Variants in GPR39 observed in about 807,000 individuals in gnomAD.
GPR39 encodes G protein-coupled receptor 39.
A neutral mutation model predicts 18.4 loss-of-function variants in GPR39; 23 were observed. The observed-to-expected ratio is 1.25, with a 90% CI of 0.90 to 1.77. The LOEUF (loss-of-function observed/expected upper bound fraction) is 1.77, where lower values mean the gene tolerates loss of function less well. Among genes scored for constraint, GPR39 ranks in the 40% most tolerant of loss-of-function variants. The pLI is 0.00. For synonymous variants in GPR39, 280 were observed against 257.9 expected (o/e 1.09, Z -0.82); for missense variants, 647 against 602.4 (o/e 1.07, Z -0.78).
At chr2:132,419,278 A>G (rs918586341) in intron 1 of GPR39, among the ~76,000 whole-genome samples, 1 of 152,258 alleles carries the variant, frequency 6.6e-6, no homozygotes, top group Non-Finnish European at 1.5e-5. Flanking sequence ...GGGCTGTGCC[A>G]GGTGACTGAT....
At chr2:132,636,095 A>G (rs1681750386) in intron 1 of GPR39, among the ~76,000 whole-genome samples, 2 of 152,216 alleles carry the variant, frequency 1.3e-5, no homozygotes. Context: ...ACAAGGGTAG[A>G]CAGAAACTAC....
At chr2:132,539,311 C>G (rs554511724) in intron 1 of GPR39, among the ~76,000 whole-genome samples, 26 of 152,144 alleles carry the variant, frequency 1.7e-4, no homozygotes, top group Non-Finnish European at 3.1e-4. Flanking sequence ...TCACCGGGCT[C>G]CTTGCACTTC....
intron 1 of GPR39, among the ~76,000 whole-genome samples, chr2:132,610,603 C>T (rs1403697995): frequency 6.6e-6 from 1 of 151,716 alleles, no homozygotes. Context: ...GCGGTGAAAC[C>T]CTGTTTCTAC....
chr2:132,623,191 A>G (rs1026163242), intron 1 of GPR39, among the ~76,000 whole-genome samples: 4 of 152,192 alleles, frequency 2.6e-5, no homozygotes, highest in African/African-American at 9.7e-5. Context: ...AAAGGAAAAA[A>G]AAAGTCAGAG....
chr2:132,459,147 G>A (rs1363373025), intron 1 of GPR39, among the ~76,000 whole-genome samples: 2 of 151,980 alleles, frequency 1.3e-5, no homozygotes, highest in Non-Finnish European at 2.9e-5. Context: ...TGCTATTTTT[G>A]GTGTCCTCTC....
chr2:132,508,485 G>A (rs185223184), intron 1 of GPR39, among the ~76,000 whole-genome samples: 29 of 152,174 alleles, frequency 1.9e-4, no homozygotes, highest in Admixed American at 1.7e-3. Flanking sequence ...GAGACTAAAT[G>A]CTCAGGGTCC....
intron 1 of GPR39, among the ~76,000 whole-genome samples, chr2:132,543,507 A>G (rs544042495): frequency 2.6e-5 from 4 of 152,298 alleles, no homozygotes; most frequent in Admixed American, 2.6e-4. Flanking sequence ...ACTCCTTTCA[A>G]TAACATACTA....
At position 132,567,872 on chromosome 2, in the gene GPR39, AGG is replaced by A. The variant is rs1374551388; in HGVS notation, c.857-77226_857-77225del. 3.3e-3 allele frequency among the ~76,000 whole-genome samples: 498 copies of A among 148,882 alleles called. 2 individuals carry two copies. Among genetic ancestry groups the A allele is most frequent in the African/African-American group, 0.012 (467 of 38,880 alleles). ...TTCACGAGATCTGATGGTTTTAAAAAGGGGAGTTTCCCTACACAAGCGCTCTT... is the reference window on the plus strand; with the variant it reads ...TTCACGAGATCTGATGGTTTTAAAAAGGAGTTTCCCTACACAAGCGCTCTT... On this transcript the variant is annotated intron_variant, in intron 1 of 1. Transcript: ENST00000329321.
intron 1 of GPR39, among the ~76,000 whole-genome samples, chr2:132,530,506 G>A (rs1451664850): frequency 6.6e-6 from 1 of 151,534 alleles, no homozygotes; most frequent in East Asian, 1.9e-4. Context: ...TACAGAGAAT[G>A]CCACAAAGAT....
intron 1 of GPR39, among the ~76,000 whole-genome samples, chr2:132,436,204 A>G (rs903572283): frequency 1.3e-5 from 2 of 152,218 alleles, no homozygotes; most frequent in African/African-American, 4.8e-5. Flanking sequence ...GGAGCTTTTG[A>G]CAAATTACCA....
In GPR39 at chr2:132,455,957, T is replaced by A. The variant is rs373677725; in HGVS notation, c.856+38059T>A. 2.8e-4 allele frequency among the ~76,000 whole-genome samples: 43 copies of A among 152,292 alleles called. No individual in the cohort carries two copies. The South Asian group carries it at 8.9e-3, about 32-fold the overall frequency. On this transcript the variant is annotated intron_variant, in intron 1 of 1. Coordinates refer to ENST00000329321, the MANE Select transcript of GPR39 (RefSeq NM_001508.3). Reference sequence around the variant, plus strand: ...GTGCTGAGAAGAATGTATATTCTGTTTATTTGGGGTGGAGAATTCTGTAGA... The same window carrying A: ...GTGCTGAGAAGAATGTATATTCTGTATATTTGGGGTGGAGAATTCTGTAGA...
At chr2:132,520,066 T>C (rs1679395483) in intron 1 of GPR39, among the ~76,000 whole-genome samples, 1 of 152,168 alleles carries the variant, frequency 6.6e-6, no homozygotes, top group African/African-American at 2.4e-5. Flanking sequence ...TCCCTTCCTC[T>C]CTTCTTTCCT....
chr2:132,446,626 C>A (rs2104768213), intron 1 of GPR39, among the ~76,000 whole-genome samples: 1 of 152,204 alleles, frequency 6.6e-6, no homozygotes, highest in South Asian at 2.1e-4. Flanking sequence ...CCTGGAGATG[C>A]TGGCAAGGCT....
rs1682042674 is a variant in GPR39, at chr2:132,645,873, C to T, written c.*267C>T. On this transcript the variant is annotated 3_prime_UTR_variant, in exon 2 of 2. Coordinates refer to ENST00000329321, the MANE Select transcript of GPR39 (RefSeq NM_001508.3). The stretch of plus-strand genomic sequence containing the variant: ...AAAATTCAGTCAGGCTGAATTTATT[C>T]AGAATGCTTTACCGAGCTCTTTCAT... The T allele has an allele frequency of 1.5e-6, 1 of 660,694 alleles. No individual in the cohort carries two copies. Among genetic ancestry groups the T allele is most frequent in the Non-Finnish European group, 2.5e-6 (1 of 396,424 alleles). The allele number at this position is 660,694 out of a possible 1,614,324, so 40.9% of individuals were successfully genotyped here.
intron 1 of GPR39, among the ~76,000 whole-genome samples, chr2:132,481,286 T>G (rs570840118): frequency 6.6e-6 from 1 of 152,304 alleles, no homozygotes; most frequent in Admixed American, 6.5e-5. Flanking sequence ...GTGGTGGCAG[T>G]AGTAGATTTG....
chr2:132,582,501 G>A lies in GPR39; in HGVS notation c.857-62600G>A, dbSNP rs9677969. 6.6e-3 allele frequency among the ~76,000 whole-genome samples: 1,003 copies of A among 152,316 alleles called. 10 individuals are homozygous for A. Among genetic ancestry groups the A allele is most frequent in the African/African-American group, 0.023 (944 of 41,558 alleles). Reference sequence around the variant, plus strand: ...TGGCTCCATTCTCCAGCTTAGACTAGAGCTGGGGATGAACAATGCAGATCA... The same window carrying A: ...TGGCTCCATTCTCCAGCTTAGACTAAAGCTGGGGATGAACAATGCAGATCA... On this transcript the variant is annotated intron_variant, in intron 1 of 1. Transcript: ENST00000329321.
intron 1 of GPR39, among the ~76,000 whole-genome samples, chr2:132,467,298 C>G (rs1482378357): frequency 2.0e-5 from 3 of 152,108 alleles, no homozygotes; most frequent in African/African-American, 7.2e-5. Flanking sequence ...CCTAAATGGA[C>G]TAATGCAAGA....
chr2:132,530,937 T>G (rs1019043142), intron 1 of GPR39, among the ~76,000 whole-genome samples: 6 of 152,216 alleles, frequency 3.9e-5, no homozygotes, highest in Non-Finnish European at 8.8e-5. Flanking sequence ...AGGAAGAAAC[T>G]GCATCAACTA....
At chr2:132,627,899 T>C (rs1681580878) in intron 1 of GPR39, among the ~76,000 whole-genome samples, 1 of 152,166 alleles carries the variant, frequency 6.6e-6, no homozygotes, top group Non-Finnish European at 1.5e-5. Context: ...GGAAAATCTA[T>C]GAGGTGTTCC....
Sources: gnomAD v4.1 joint callset for allele counts (sites outside exome capture counted in the v4.1 genomes callset) on GRCh38, gnomAD v4.1.1 for gene constraint, MANE v1.5 for transcripts, NCBI Gene and HGNC (gene_info 2026-07-23, HGNC 2026-07-21) for gene names.